The following CPEB3 variants were observed in gnomAD, a reference collection of about 807,000 sequenced individuals.
The protein encoded by CPEB3 is cytoplasmic polyadenylation element binding protein 3, also known as cytoplasmic polyadenylation element-binding protein 3.
In CPEB3, 20 loss-of-function variants were observed where a neutral mutation model predicts 67.2. The observed-to-expected ratio is 0.30, with a 90% CI of 0.21 to 0.43. The LOEUF (loss-of-function observed/expected upper bound fraction) is 0.43. Ranked by LOEUF, CPEB3 falls within the 20% of genes least tolerant of loss-of-function variation. The probability of loss-of-function intolerance (pLI) is 1.00; values close to 1 mark genes in which losing one functional copy is unlikely to be tolerated. For missense variants in CPEB3, 746 were observed against 968.6 expected, an observed-to-expected ratio of 0.77 and a Z score of 3.05; for synonymous variants, 376 against 393.1, an observed-to-expected ratio of 0.96 and a Z score of 0.51.
intron 4 of CPEB3, among the ~76,000 whole-genome samples, chr10:92,152,818 G>A (rs935901905): frequency 2.0e-5 from 3 of 151,908 alleles, no homozygotes; most frequent in Non-Finnish European, 2.9e-5. Flanking sequence ...AAATATATTC[G>A]TTTCACTTAT....
At chr10:92,206,453 A>G (rs1590386271) in intron 2 of CPEB3, among the ~76,000 whole-genome samples, 1 of 152,082 alleles carries the variant, frequency 6.6e-6, no homozygotes, top group East Asian at 1.9e-4. Flanking sequence ...TTTCGTTTTG[A>G]GACAGGGTCT....
intron 4 of CPEB3, among the ~76,000 whole-genome samples, chr10:92,165,326 T>C (rs1228126934): frequency 2.7e-5 from 4 of 149,394 alleles, no homozygotes; most frequent in Non-Finnish European, 5.9e-5. Flanking sequence ...AAATTAAAAA[T>C]AAAATAAAAA....
intron 2 of CPEB3, chr10:92,216,741 AG>A (rs1850423835): frequency 6.2e-7 from 1 of 1,608,866 alleles, no homozygotes; most frequent in African/African-American, 1.3e-5. Context: ...GAGTACCAGG[AG>A]GCTTACGACG....
rs575252119 is a variant in CPEB3 at position 92,149,993 on chromosome 10, C to T, written c.1223-4908G>A. 2.0e-5 allele frequency among the ~76,000 whole-genome samples: 3 copies of T among 152,166 alleles called. No homozygotes were observed. In the South Asian group the frequency reaches 6.2e-4, roughly 31 times the overall value. ...AATCAAGTTAAGGAAAGTATATTCTCAACACTGGAATGCAAAATCTATAAC... is the reference window on the plus strand; with the variant it reads ...AATCAAGTTAAGGAAAGTATATTCTTAACACTGGAATGCAAAATCTATAAC... On this transcript the variant is annotated intron_variant, in intron 4 of 9. Coordinates refer to ENST00000265997, the MANE Select transcript of CPEB3 (RefSeq NM_014912.5).
intron 2 of CPEB3, among the ~76,000 whole-genome samples, chr10:92,210,734 T>C (rs927514406): frequency 6.6e-6 from 1 of 152,218 alleles, no homozygotes; most frequent in Non-Finnish European, 1.5e-5. Flanking sequence ...ATAAAAACAA[T>C]TTCATTTAAA....
At chr10:92,154,047 A>C (rs1185647947) in intron 4 of CPEB3, among the ~76,000 whole-genome samples, 3 of 152,240 alleles carry the variant, frequency 2.0e-5, no homozygotes, top group African/African-American at 7.2e-5. Flanking sequence ...CATAGCCAAC[A>C]TGTCTACTTA....
intron 3 of CPEB3, among the ~76,000 whole-genome samples, chr10:92,185,786 A>AAAGTTTCTC (rs1848660291): frequency 1.3e-5 from 2 of 152,232 alleles, no homozygotes; most frequent in South Asian, 4.1e-4. Flanking sequence ...AACTTTCTCT[A>AAAGTTTCTC]TAAAGTTAGA....
chr10:92,112,126 CTTTTTTTTTTTTT>C (rs201432910), intron 6 of CPEB3, among the ~76,000 whole-genome samples: 2 of 122,028 alleles, frequency 1.6e-5, no homozygotes, highest in South Asian at 6.4e-4. Flanking sequence ...GACCACGTTC[CTTTTTTTTTTTTT>C]TTTTTTTTTT....
chr10:92,052,303 C>G lies in CPEB3; in HGVS notation c.2006G>C (p.Ser669Thr). ...CTCCCGCCCGGCTCGGGAATGTATG[C>G]TCGCCCAGCAGTATTCACAGTAATA... Reference protein sequence around the residue: ...LQYYCEYCWASIHSRAGREFH... With the variant: ...LQYYCEYCWATIHSRAGREFH... Residue 669 changes from serine (S) to threonine (T), a missense_variant, in exon 10 of 10, where the codon AGC becomes ACC. This residue lies in a region of CPEB3 where 103 missense variants were observed against 251.1 expected (regional missense o/e 0.41). Coordinates refer to ENST00000265997, the MANE Select transcript of CPEB3 (RefSeq NM_014912.5). The G allele has an allele frequency of 6.2e-7, 1 of 1,614,196 alleles. No individual in the cohort carries two copies. The highest frequency in any genetic ancestry group is 8.5e-7 in the Non-Finnish European group (1 of 1,180,040).
At chr10:92,098,770 CT>C (rs984013045) in intron 7 of CPEB3, among the ~76,000 whole-genome samples, 3,097 of 124,498 alleles carry the variant, frequency 0.025, 29 homozygotes, top group African/African-American at 0.066. Context: ...TTCTTTTTTT[CT>C]TTTTTTTTTT....
At chr10:92,215,826 G>C (rs1159711770) in intron 2 of CPEB3, among the ~76,000 whole-genome samples, 1 of 140,832 alleles carries the variant, frequency 7.1e-6, no homozygotes, top group Non-Finnish European at 1.5e-5. Context: ...TCGGCTCACT[G>C]CAACTTCCAC....
At chr10:92,156,857 CTCAT>C (rs933002633) in intron 4 of CPEB3, among the ~76,000 whole-genome samples, 5 of 152,180 alleles carry the variant, frequency 3.3e-5, no homozygotes, top group African/African-American at 1.2e-4. Context: ...CCAGTAGTCA[CTCAT>C]TCAACAAATA....
chr10:92,191,889 A>AT (rs1417699792), intron 3 of CPEB3, among the ~76,000 whole-genome samples: 2 of 152,178 alleles, frequency 1.3e-5, no homozygotes, highest in African/African-American at 4.8e-5. Flanking sequence ...AAGTCCTAAT[A>AT]TTGCTAACTT....
intron 3 of CPEB3, among the ~76,000 whole-genome samples, chr10:92,188,847 T>C (rs1195000685): frequency 6.6e-6 from 1 of 152,248 alleles, no homozygotes; most frequent in Non-Finnish European, 1.5e-5. Flanking sequence ...TCAGCTTTTA[T>C]TCTATATAAT....
intron 6 of CPEB3, among the ~76,000 whole-genome samples, chr10:92,124,453 A>C (rs550367237): frequency 6.6e-6 from 1 of 152,352 alleles, no homozygotes; most frequent in African/African-American, 2.4e-5. Flanking sequence ...GAACAAAACA[A>C]AACAAAAAGC....
chr10:92,279,445 T>C (rs916044037), intron 1 of CPEB3, among the ~76,000 whole-genome samples: 3 of 152,216 alleles, frequency 2.0e-5, no homozygotes, highest in Non-Finnish European at 2.9e-5. Context: ...TCCAAAGCAA[T>C]ATCGTCCCCC....
chr10:92,091,775 T>C (rs1389367812), intron 8 of CPEB3, 55 bp downstream of exon 8: 2 of 1,029,490 alleles, frequency 1.9e-6, no homozygotes, highest in Non-Finnish European at 3.0e-6. Context: ...ACTAAAGGCA[T>C]TGGGGATTTT....
intron 1 of CPEB3, among the ~76,000 whole-genome samples, chr10:92,250,874 T>TC (rs1210450602): frequency 6.8e-6 from 1 of 146,610 alleles, no homozygotes; most frequent in East Asian, 2.0e-4. Flanking sequence ...TTTTTTTTTT[T>TC]TTTTTTTTTG....
At position 92,111,001 on chromosome 10, in the gene CPEB3, A is replaced by C. The variant is rs148237929; in HGVS notation, c.1572+75T>G. 1.8e-3 allele frequency: 1,871 copies of C among 1,046,356 alleles called. 6 individuals carry two copies. The highest frequency in any genetic ancestry group is 3.2e-3 in the Middle Eastern group (16 of 4,982). 64.8% of individuals were successfully genotyped at this position (1,046,356 alleles called of 1,614,324 possible). ...GATCCTAGTTACCAGCATTTCCATT[A>C]TCAGAAAGAGGAGGTCAGCTATTCC... On this transcript the variant is annotated intron_variant, in intron 7 of 9. Coordinates refer to ENST00000265997, the MANE Select transcript of CPEB3 (RefSeq NM_014912.5).
Sources: gnomAD v4.1 joint callset for allele counts (sites outside exome capture counted in the v4.1 genomes callset) on GRCh38, gnomAD v4.1.1 for gene constraint, gnomAD v4.1.1 regional missense constraint, MANE v1.5 for transcripts, NCBI Gene and HGNC (gene_info 2026-07-23, HGNC 2026-07-21) for gene names.